RNF220: variants seen among roughly 807,000 people sequenced by gnomAD.
RNF220 encodes the protein E3 ubiquitin-protein ligase RNF220.
Under a neutral mutation model 67.1 loss-of-function variants are expected in RNF220, and 7 were observed. The observed-to-expected ratio is 0.10, with a 90% confidence interval of 0.06 to 0.20. The LOEUF is 0.20. Among genes scored for constraint, RNF220 ranks in the 10% least tolerant of loss-of-function variants. RNF220 has a pLI of 1.00. For synonymous variants in RNF220, 270 were observed against 283.2 expected, an observed-to-expected ratio of 0.95 and a Z score of 0.47; for missense variants, 565 against 740.3, an observed-to-expected ratio of 0.76 and a Z score of 2.75.
intron 2 of RNF220, among the ~76,000 whole-genome samples, chr1:44,466,543 C>G (rs1654288630): frequency 6.6e-6 from 1 of 152,112 alleles, no homozygotes; most frequent in South Asian, 2.1e-4. Flanking sequence ...GCAGATATAG[C>G]CTTACAAAAT....
intron 2 of RNF220, among the ~76,000 whole-genome samples, chr1:44,457,159 C>T (rs1323030644): frequency 3.3e-5 from 5 of 152,092 alleles, no homozygotes; most frequent in South Asian, 2.1e-4. Context: ...TCTCCTCTTC[C>T]TCCTCTTCTC....
intron 2 of RNF220, among the ~76,000 whole-genome samples, chr1:44,553,425 C>T (rs1662831735): frequency 6.6e-6 from 1 of 152,056 alleles, no homozygotes; most frequent in South Asian, 2.1e-4. Context: ...TCATGGCATC[C>T]AGCTACCCAG....
At chr1:44,441,876 T>G (rs1182719881) in intron 2 of RNF220, among the ~76,000 whole-genome samples, 1 of 152,178 alleles carries the variant, frequency 6.6e-6, no homozygotes, top group Non-Finnish European at 1.5e-5. Flanking sequence ...ACAGTTCTTA[T>G]GGGGAACACA....
intron 2 of RNF220, among the ~76,000 whole-genome samples, chr1:44,505,443 G>A (rs1658327247): frequency 6.6e-6 from 1 of 152,234 alleles, no homozygotes. Flanking sequence ...AAGCCACCAG[G>A]CCTCTGGACA....
chr1:44,476,980 T>C (rs1197290333), intron 2 of RNF220, among the ~76,000 whole-genome samples: 1 of 152,192 alleles, frequency 6.6e-6, no homozygotes, highest in African/African-American at 2.4e-5. Context: ...TTGGCCAAAT[T>C]GGTTGGTTAA....
chr1:44,436,453 G>A (rs974073581), intron 2 of RNF220, among the ~76,000 whole-genome samples: 9 of 152,022 alleles, frequency 5.9e-5, no homozygotes, highest in Non-Finnish European at 8.8e-5. Flanking sequence ...AAGAGGAAAA[G>A]GCCCAACAGT....
At chr1:44,436,930 C>A (rs1258449307) in intron 2 of RNF220, among the ~76,000 whole-genome samples, 1 of 152,174 alleles carries the variant, frequency 6.6e-6, no homozygotes, top group Non-Finnish European at 1.5e-5. Flanking sequence ...GAATTAGAAA[C>A]TGAAAACAAA....
chr1:44,627,213 C>A (rs911461341), intron 5 of RNF220, among the ~76,000 whole-genome samples: 3 of 151,018 alleles, frequency 2.0e-5, no homozygotes, highest in African/African-American at 7.3e-5. Flanking sequence ...GGCATGGTGG[C>A]GGGCGCCTGT....
At chr1:44,638,990 T>C (rs1224155048) in intron 8 of RNF220, among the ~76,000 whole-genome samples, 1 of 152,182 alleles carries the variant, frequency 6.6e-6, no homozygotes, top group Non-Finnish European at 1.5e-5. Flanking sequence ...TTCAGAACCA[T>C]AGATTTTCTA....
chr1:44,552,241 G>C (rs189452721), intron 2 of RNF220, among the ~76,000 whole-genome samples: 21 of 152,288 alleles, frequency 1.4e-4, no homozygotes, highest in Middle Eastern at 6.8e-3. Context: ...AACTCCTGCT[G>C]GGTGTGGCGG....
chr1:44,641,175 C>T (rs1467310396), intron 8 of RNF220, among the ~76,000 whole-genome samples: 2 of 151,980 alleles, frequency 1.3e-5, no homozygotes, highest in Non-Finnish European at 2.9e-5. Flanking sequence ...TCAGTTTTCA[C>T]TGTGAGGAGA....
In RNF220 at chr1:44,626,276, A is replaced by G. The variant is rs773794748; in HGVS notation, c.805-21A>G. The G allele has an allele frequency of 7.5e-6, 12 of 1,599,532 alleles. No homozygotes were observed. The East Asian group carries it at 1.6e-4, about 21-fold the overall frequency. On this transcript the variant is annotated intron_variant, in intron 4 of 14. Transcript: ENST00000361799. The stretch of plus-strand genomic sequence containing the variant: ...TAGGTCTCATTTGGCCTGAGGCCAC[A>G]TGTCTTTTTTCTTCTTCCAGTCCCT...
chr1:44,650,740 A>T lies in RNF220; in HGVS notation c.1666A>T (p.Thr556Ser), dbSNP rs1478759161. 1.2e-6 allele frequency: 2 copies of T among 1,613,940 alleles called. No homozygotes were observed. Among genetic ancestry groups the T allele is most frequent in the Admixed American group, 3.3e-5 (2 of 60,016 alleles). The change falls in exon 15 of 15, where the codon ACA (threonine) becomes TCA (serine). Residue 556 changes from threonine (T) to serine (S), a missense_variant. By Grantham distance (58) the Thr-to-Ser change is moderately conservative. Coordinates refer to ENST00000361799, the MANE Select transcript of RNF220 (RefSeq NM_018150.4). This position sits in a 1 kb window ranked among gnomAD's most constrained non-coding sequence, Gnocchi z 4.3. ...GCTCTGCCCTCAGTGCAACACGATCACAGCGCCCGGAGACCTGCGGAGGAT... is the reference window on the plus strand; with the variant it reads ...GCTCTGCCCTCAGTGCAACACGATCTCAGCGCCCGGAGACCTGCGGAGGAT... ...KKLCPQCNTITAPGDLRRIYL is the reference protein window; with the variant it reads ...KKLCPQCNTISAPGDLRRIYL
intron 2 of RNF220, among the ~76,000 whole-genome samples, chr1:44,527,515 C>T (rs142646538): frequency 3.3e-5 from 5 of 152,080 alleles, no homozygotes; most frequent in African/African-American, 9.6e-5. Context: ...CTCAGCCACT[C>T]GAGATGCGGA....
At chr1:44,424,893 C>T (rs1380818644) in intron 2 of RNF220, among the ~76,000 whole-genome samples, 5 of 152,248 alleles carry the variant, frequency 3.3e-5, no homozygotes, top group Non-Finnish European at 7.3e-5. Context: ...GCCCGCTTAT[C>T]TTCTCACTGC....
At chr1:44,560,884 C>T (rs1237078713) in intron 2 of RNF220, among the ~76,000 whole-genome samples, 1 of 141,628 alleles carries the variant, frequency 7.1e-6, no homozygotes, top group Admixed American at 6.9e-5. Flanking sequence ...TGCTGACCTC[C>T]TACTTCCTGC....
intron 2 of RNF220, among the ~76,000 whole-genome samples, chr1:44,599,360 TTGTC>T (rs1162737298): frequency 8.5e-5 from 13 of 152,112 alleles, no homozygotes; most frequent in Non-Finnish European, 1.5e-4. Flanking sequence ...AGAGGAAGCA[TTGTC>T]TGAGTGTGGT....
chr1:44,598,638 C>T (rs992036284), intron 2 of RNF220, among the ~76,000 whole-genome samples: 6 of 149,732 alleles, frequency 4.0e-5, no homozygotes, highest in African/African-American at 1.5e-4. Context: ...TGCTGGGGAC[C>T]CTCTAGGAGC....
At chr1:44,414,336 C>G (rs1648306706) in intron 2 of RNF220, among the ~76,000 whole-genome samples, 1 of 152,194 alleles carries the variant, frequency 6.6e-6, no homozygotes, top group East Asian at 1.9e-4. Flanking sequence ...CAGATTCCGC[C>G]CCTTTTTTTC....
Sources: gnomAD v4.1 joint callset for allele counts (sites outside exome capture counted in the v4.1 genomes callset) on GRCh38, gnomAD v4.1.1 for gene constraint, Gnocchi (gnomAD v3.1) non-coding constraint, MANE v1.5 for transcripts, NCBI Gene and HGNC (gene_info 2026-07-23, HGNC 2026-07-21) for gene names.